L1CAM: variants seen among roughly 807,000 people sequenced by gnomAD.
L1CAM encodes the protein L1 cell adhesion molecule.
Under a neutral mutation model 93.0 loss-of-function variants are expected in L1CAM, and 8 were observed. The ratio of observed to expected loss-of-function variants is 0.09; its 90% CI spans 0.05 to 0.16. L1CAM has a LOEUF of 0.16. Ranked by LOEUF, L1CAM falls within the 10% of genes least tolerant of loss-of-function variation. L1CAM has a pLI of 1.00. For missense variants in L1CAM, 777 were observed against 1,073.4 expected (o/e 0.72, Z 3.86); for synonymous variants, 453 against 453.0 (o/e 1.00, Z 0.00).
Position 153,862,910 on chromosome X carries a change from G to A in L1CAM, c.3543-16C>T, listed in dbSNP as rs370597765. 1.3e-5 allele frequency: 15 copies of A among 1,175,439 alleles called. No individual in the cohort carries two copies. The highest frequency in any genetic ancestry group is 1.6e-5 in the Non-Finnish European group (14 of 866,992). ...CTCGTTGTCACTGCAGAGGCACAGG[G>A]CAGGTGCGAGTGAGAGCACTGCCGA... is the stretch of plus-strand genomic sequence containing the variant. On this transcript the variant is annotated splice_polypyrimidine_tract_variant and intron_variant, in intron 28 of 28. Coordinates refer to ENST00000370060, the MANE Select transcript of L1CAM (RefSeq NM_001278116.2).
chrX:153,872,675 C>T lies in L1CAM; in HGVS notation c.114G>A (p.Thr38=), dbSNP rs781887788. 1.4e-5 allele frequency: 17 copies of T among 1,209,460 alleles called. No homozygotes were observed. Among genetic ancestry groups the T allele is most frequent in the Non-Finnish European group, 1.8e-5 (16 of 893,701 alleles). Reference sequence around the variant, plus strand: ...CAACCAGGCGCCGTGGAGACTGTTCCGTGATGACAGGTGGCTCCATCACTG... The same window carrying T: ...CAACCAGGCGCCGTGGAGACTGTTCTGTGATGACAGGTGGCTCCATCACTG... The part of the protein sequence containing the change: ...GHHVMEPPVI[T]EQSPRRLVVF... Residue 38 remains threonine (T), a synonymous_variant, in exon 4 of 29, where the codon ACG becomes ACA. Transcript: ENST00000370060.
chrX:153,884,843 A>G (rs1196979866), intron 1 of L1CAM, among the ~76,000 whole-genome samples: 3 of 113,053 alleles, frequency 2.7e-5, no homozygotes, highest in African/African-American at 9.6e-5. Context: ...AGCAGCCCCC[A>G]GGGGAAGAAG....
rs1569544648 is a variant in L1CAM at position 153,864,911 on chromosome X, G to T, written c.2956C>A (p.His986Asn). The T allele has an allele frequency of 1.6e-6, 2 of 1,212,325 alleles. No individual in the cohort carries two copies. The highest frequency in any genetic ancestry group is 2.2e-6 in the Non-Finnish European group (2 of 895,552). The change falls in exon 23 of 29, where the codon CAC (histidine) becomes AAC (asparagine). Residue 986 changes from histidine (H) to asparagine (N), a missense_variant. By Grantham distance (68) the His-to-Asn change is moderately conservative. Coordinates refer to ENST00000370060, the MANE Select transcript of L1CAM (RefSeq NM_001278116.2). ...TGAAGCTGGAAGCGGTACCGCAGGT[G>T]GGGGCTGAGATCGGTCAGGTTGTGT... ...RTHNLTDLSP[H>N]LRYRFQLQAT...
rs1416997426 is a variant in L1CAM, at chrX:153,863,957, C to G, written c.3383G>C (p.Ser1128Thr). 3.3e-6 allele frequency: 4 copies of G among 1,211,203 alleles called. No homozygotes were observed. Among genetic ancestry groups the G allele is most frequent in the South Asian group, 1.8e-5 (1 of 56,905 alleles). ...GACGAGGAGCAGGAGGATGATGGCACTCACAAAGCCGATGAACCAGCCCTC... is the reference window on the plus strand; with the variant it reads ...GACGAGGAGCAGGAGGATGATGGCAGTCACAAAGCCGATGAACCAGCCCTC... ...ATEGWFIGFV[S>T]AIILLLLVLL... Residue 1128 changes from serine to threonine, a missense_variant, in exon 26 of 29, where the codon AGT (serine) becomes ACT (threonine). Ser to Thr is a moderately conservative substitution (Grantham distance 58). This residue lies in a region of L1CAM where 110 missense variants were observed against 141.7 expected (regional missense o/e 0.78). Transcript: ENST00000370060.
intron 22 of L1CAM, 27 bp downstream of exon 22, chrX:153,865,061 C>T (rs201237768): frequency 2.0e-5 from 24 of 1,210,548 alleles, no homozygotes; most frequent in Non-Finnish European, 2.6e-5. Flanking sequence ...CCTCCACCTC[C>T]CTTCCCTGCT....
chrX:153,876,253 A>T, intron 1 of L1CAM: 1 of 368,479 alleles, frequency 2.7e-6, no homozygotes, highest in Non-Finnish European at 4.8e-6. Context: ...TCCCCTGTGC[A>T]TGGCATGCAC....
chrX:153,871,196 G>A lies in L1CAM; in HGVS notation c.401-17C>T. ...TGGGGGCACCTAGAAGGGACAGACGGGCTGACACTCTCCTCCTGGTCCAGA... is the reference window on the plus strand; with the variant it reads ...TGGGGGCACCTAGAAGGGACAGACGAGCTGACACTCTCCTCCTGGTCCAGA... On this transcript the variant is annotated splice_polypyrimidine_tract_variant and intron_variant, in intron 5 of 28. Coordinates refer to ENST00000370060, the MANE Select transcript of L1CAM (RefSeq NM_001278116.2). The A allele has an allele frequency of 8.3e-7, 1 of 1,207,175 alleles. No homozygotes were observed.
At chrX:153,877,514 C>A (rs1246098841) in intron 1 of L1CAM, among the ~76,000 whole-genome samples, 6 of 109,734 alleles carry the variant, frequency 5.5e-5, no homozygotes, top group Admixed American at 9.7e-5. Context: ...GTAATCCCAG[C>A]TACTTGGGAG....
At position 153,867,691 on chromosome X, in the gene L1CAM, C is replaced by T. The variant is rs2064726921; in HGVS notation, c.1939+109G>A. ...CAGATTCCCATGAGGAACCGTGAGTCCCCCCAAACCGTGTCCCCCCAGGAA... is the reference window on the plus strand; with the variant it reads ...CAGATTCCCATGAGGAACCGTGAGTTCCCCCAAACCGTGTCCCCCCAGGAA... On this transcript the variant is annotated intron_variant, in intron 16 of 28. Coordinates refer to ENST00000370060, the MANE Select transcript of L1CAM (RefSeq NM_001278116.2). 10 of 955,143 alleles carry T rather than the reference C, an allele frequency of 1.0e-5. 1 individual carries two copies. Among genetic ancestry groups the T allele is most frequent in the South Asian group, 7.8e-5 (4 of 51,121 alleles). 78.7% of individuals were successfully genotyped at this position (955,143 alleles called of 1,213,427 possible). A position where few individuals can be genotyped will look rare whatever the true frequency, so the allele number is the denominator to read the frequency against.
intron 1 of L1CAM, chrX:153,884,222 T>C (rs1557096445): frequency 6.0e-6 from 6 of 1,005,998 alleles, no homozygotes; most frequent in Non-Finnish European, 7.8e-6. Flanking sequence ...GCACTGGCCA[T>C]GAGCAGCTGC....
Position 153,869,545 on chromosome X carries a change from C to T in L1CAM, c.1242G>A (p.Leu414=). 1 of 1,211,124 alleles carries T rather than the reference C, an allele frequency of 8.3e-7. No individual in the cohort carries two copies. Among genetic ancestry groups the T allele is most frequent in the Non-Finnish European group, 1.1e-6 (1 of 895,311 alleles). ...CEARNRHGLL[L]ANAYIYVVQL... ...GGACAACGTAGATGTAGGCATTGGC[C>T]AGCAAGAGCCCGTGCCGGTTGCGGG... The change falls in exon 11 of 29, where the codon CTG becomes CTA. Residue 414 remains leucine, a synonymous_variant. Coordinates refer to ENST00000370060, the MANE Select transcript of L1CAM (RefSeq NM_001278116.2).
rs781908326 is a variant in L1CAM, at chrX:153,872,214, C to T, written c.338G>A (p.Arg113His). 55 of 1,206,417 alleles carry T rather than the reference C, an allele frequency of 4.6e-5. No individual in the cohort carries two copies. In the Admixed American group the frequency reaches 9.0e-4, roughly 20 times the overall value. ...NFAQRFQGIY[R>H]CFASNKLGTA... ...GCCCAGCTTATTGCTGGCAAAGCAG[C>T]GGTAGATGCCCTGGAACCTCTGAGC... The change falls in exon 5 of 29, where the codon CGC (arginine) becomes CAC (histidine). Residue 113 changes from arginine to histidine, a missense_variant. Physicochemically the swap from Arg to His is conservative, Grantham distance 29 (BLOSUM62 0). This residue lies in a region of L1CAM where 574 missense variants were observed against 781.0 expected (regional missense o/e 0.73). Coordinates refer to ENST00000370060, the MANE Select transcript of L1CAM (RefSeq NM_001278116.2).
intron 11 of L1CAM, 130 bp downstream of exon 11, chrX:153,869,390 G>T: frequency 1.4e-6 from 1 of 737,119 alleles, no homozygotes; most frequent in Non-Finnish European, 2.1e-6. Context: ...GTGTCAGCAA[G>T]GAGAAAGGTC....
At chrX:153,869,275 T>C (rs2064744787) in intron 11 of L1CAM, 2 of 464,665 alleles carry the variant, frequency 4.3e-6, no homozygotes, top group Non-Finnish European at 7.5e-6. Context: ...GGGCTGGCCT[T>C]GGTCACATCC....
In L1CAM at chrX:153,862,378, ACTT is replaced by A. The variant is rs1477387793; in HGVS notation, c.*282_*284del. On this transcript the variant is annotated 3_prime_UTR_variant, in exon 29 of 29. Transcript: ENST00000370060. ...TCGGAGACCCTTTCGGGCCACCCCT[ACTT>A]CTTCTCCCCCAAACCACAGCCTCTC... 9 of 325,663 alleles carry A rather than the reference ACTT, an allele frequency of 2.8e-5. No individual in the cohort carries two copies. The highest frequency in any genetic ancestry group is 4.8e-5 in the Non-Finnish European group (9 of 187,208). 26.8% of individuals were successfully genotyped at this position (325,663 alleles called of 1,213,427 possible). A position where few individuals can be genotyped will look rare whatever the true frequency, so the allele number is the denominator to read the frequency against.
chrX:153,868,138 G>T lies in L1CAM; in HGVS notation c.1704-16C>A, dbSNP rs200068687. ...TATGAAGTACCTGCGGAGGAGCCGT[G>T]TCTGTCTTTCCTGCCATCTGGGCTC... is the stretch of plus-strand genomic sequence containing the variant. On this transcript the variant is annotated splice_polypyrimidine_tract_variant and intron_variant, in intron 14 of 28. Transcript: ENST00000370060. 3 of 1,207,967 alleles carry T rather than the reference G, an allele frequency of 2.5e-6. No homozygotes were observed.
intron 1 of L1CAM, among the ~76,000 whole-genome samples, chrX:153,877,917 C>T (rs944697986): frequency 1.7e-4 from 19 of 112,132 alleles, no homozygotes; most frequent in African/African-American, 6.2e-4. Flanking sequence ...CATGTGTCCA[C>T]CCCAAACCCA....
Position 153,864,150 on chromosome X carries a change from G to T in L1CAM, c.3323-133C>A, listed in dbSNP as rs782379694. The T allele has an allele frequency of 4.7e-6, 5 of 1,058,422 alleles. No homozygotes were observed. In the South Asian group the frequency reaches 7.6e-5, roughly 16 times the overall value. 87.2% of individuals were successfully genotyped at this position (1,058,422 alleles called of 1,213,427 possible). On this transcript the variant is annotated intron_variant, in intron 25 of 28. Coordinates refer to ENST00000370060, the MANE Select transcript of L1CAM (RefSeq NM_001278116.2). ...CAGGGACAGGGAAAAGGGCATCTGC[G>T]GAAAGGGTATGAAAGGGGGCTGATT...
In L1CAM at chrX:153,868,358, G is replaced by A; in HGVS notation, c.1647C>T (p.Pro549=). Reference sequence around the variant, plus strand: ...GACCGTCCCCACGCCAGGTGATGCTGGGCTGCAAGGAGGGGTCAAAGGAGG... The same window carrying A: ...GACCGTCCCCACGCCAGGTGATGCTAGGCTGCAAGGAGGGGTCAAAGGAGG... ...CQASFDPSLQ[P]SITWRGDGRD... is the part of the protein sequence containing the mutation. The change falls in exon 14 of 29, where the codon CCC becomes CCT. Residue 549 remains proline (P), a synonymous_variant. Transcript: ENST00000370060. The A allele has an allele frequency of 8.3e-7, 1 of 1,211,951 alleles. No homozygotes were observed. Among genetic ancestry groups the A allele is most frequent in the Non-Finnish European group, 1.1e-6 (1 of 895,478 alleles).
Sources: allele counts gnomAD v4.1 joint callset (sites outside exome capture counted in the v4.1 genomes callset), GRCh38; gene constraint gnomAD v4.1.1; regional missense constraint gnomAD v4.1.1; transcripts MANE v1.5; gene names NCBI Gene and HGNC (gene_info 2026-07-23, HGNC 2026-07-21).